The following ADAMTS3 variants were observed in gnomAD, a reference collection of about 807,000 sequenced individuals.
The protein encoded by ADAMTS3 is A disintegrin and metalloproteinase with thrombospondin motifs 3.
A neutral mutation model predicts 129.0 loss-of-function variants in ADAMTS3; 73 were observed. That is an observed-to-expected ratio of 0.57 (90% CI 0.47 to 0.69). The LOEUF is 0.69. Among genes scored for constraint, ADAMTS3 ranks in the 30% least tolerant of loss-of-function variants. The pLI, the probability that ADAMTS3 is intolerant of heterozygous loss-of-function variation, is 0.00. For missense variants in ADAMTS3, 1,457 were observed against 1,514.5 expected, an observed-to-expected ratio of 0.96 and a Z score of 0.63; for synonymous variants, 477 against 510.8, an observed-to-expected ratio of 0.93 and a Z score of 0.89.
chr4:72,436,830 G>T (rs1047734794), intron 3 of ADAMTS3, among the ~76,000 whole-genome samples: 2 of 151,814 alleles, frequency 1.3e-5, no homozygotes, highest in African/African-American at 4.8e-5. Context: ...CACAGGGTGG[G>T]GAACATCACA....
At chr4:72,549,850 T>G (rs1362632802) in intron 2 of ADAMTS3, among the ~76,000 whole-genome samples, 1 of 149,120 alleles carries the variant, frequency 6.7e-6, no homozygotes. Flanking sequence ...GCAAACACCC[T>G]TGGGAAATAG....
intron 4 of ADAMTS3, among the ~76,000 whole-genome samples, chr4:72,401,928 A>C (rs891436508): frequency 6.6e-6 from 1 of 152,218 alleles, no homozygotes; most frequent in South Asian, 2.1e-4. Context: ...AAGCCTTTGA[A>C]ATAAACTCTA....
At chr4:72,335,799 A>G (rs1322321000) in intron 5 of ADAMTS3, among the ~76,000 whole-genome samples, 2 of 152,142 alleles carry the variant, frequency 1.3e-5, no homozygotes, top group Admixed American at 6.5e-5. Context: ...CTCCCATTAT[A>G]TCATTGCATT....
At chr4:72,367,265 T>C (rs961479990) in intron 4 of ADAMTS3, among the ~76,000 whole-genome samples, 13 of 152,188 alleles carry the variant, frequency 8.5e-5, no homozygotes, top group Admixed American at 1.3e-4. Flanking sequence ...AACTAATTTC[T>C]TGTCTTCTAC....
chr4:72,534,144 G>A (rs575363466), intron 3 of ADAMTS3, among the ~76,000 whole-genome samples: 14 of 152,194 alleles, frequency 9.2e-5, no homozygotes, highest in African/African-American at 2.6e-4. Context: ...TGGCTAACAC[G>A]GTGAAAACCC....
At chr4:72,519,164 C>T (rs931570276) in intron 3 of ADAMTS3, among the ~76,000 whole-genome samples, 4 of 152,172 alleles carry the variant, frequency 2.6e-5, no homozygotes, top group African/African-American at 9.6e-5. Context: ...TGAATATTGG[C>T]CCCCACTCTC....
intron 3 of ADAMTS3, among the ~76,000 whole-genome samples, chr4:72,466,357 G>T (rs901515031): frequency 2.0e-5 from 3 of 152,018 alleles, no homozygotes; most frequent in Admixed American, 1.3e-4. Flanking sequence ...TTCTTGAATG[G>T]CAAGAAAGAC....
At chr4:72,439,528 T>C (rs1718056523) in intron 3 of ADAMTS3, among the ~76,000 whole-genome samples, 1 of 151,690 alleles carries the variant, frequency 6.6e-6, no homozygotes, top group Admixed American at 6.6e-5. Context: ...ATAGAACAAC[T>C]AACAGTGACT....
chr4:72,493,918 TA>T (rs917658154), intron 3 of ADAMTS3, among the ~76,000 whole-genome samples: 54 of 151,080 alleles, frequency 3.6e-4, no homozygotes, highest in African/African-American at 8.7e-4. Flanking sequence ...CCTGGACAGC[TA>T]AAAAAAAATA....
At chr4:72,446,753 A>C (rs1227356251) in intron 3 of ADAMTS3, among the ~76,000 whole-genome samples, 4 of 151,794 alleles carry the variant, frequency 2.6e-5, no homozygotes, top group Non-Finnish European at 5.9e-5. Flanking sequence ...GACAATTCAC[A>C]TACAAGCAGA....
At chr4:72,301,262 C>T (rs1378620253) in intron 17 of ADAMTS3, among the ~76,000 whole-genome samples, 1 of 151,818 alleles carries the variant, frequency 6.6e-6, no homozygotes, top group Admixed American at 6.6e-5. Flanking sequence ...TCTTTATCCA[C>T]AAAAGAAAAC....
At chr4:72,465,211 A>G (rs925724140) in intron 3 of ADAMTS3, among the ~76,000 whole-genome samples, 2 of 152,018 alleles carry the variant, frequency 1.3e-5, no homozygotes, top group Admixed American at 6.6e-5. Context: ...TTGGCTCAAG[A>G]AGGAATACTT....
At chr4:72,411,110 ACT>A (rs1722174282) in intron 4 of ADAMTS3, among the ~76,000 whole-genome samples, 1 of 151,998 alleles carries the variant, frequency 6.6e-6, no homozygotes, top group Admixed American at 6.6e-5. Context: ...TTTTTAAACA[ACT>A]CTTCATATGT....
At chr4:72,501,285 T>G (rs1456887664) in intron 3 of ADAMTS3, among the ~76,000 whole-genome samples, 2 of 152,284 alleles carry the variant, frequency 1.3e-5, no homozygotes, top group Admixed American at 6.5e-5. Context: ...ATCTATAATT[T>G]CTTTCAGCAG....
chr4:72,527,668 T>G (rs1368029180), intron 3 of ADAMTS3, among the ~76,000 whole-genome samples: 1 of 152,090 alleles, frequency 6.6e-6, no homozygotes, highest in African/African-American at 2.4e-5. Flanking sequence ...ACAATACTTG[T>G]CGAAAAGAAG....
At chr4:72,411,256 T>C (rs926589599) in intron 4 of ADAMTS3, among the ~76,000 whole-genome samples, 1 of 152,142 alleles carries the variant, frequency 6.6e-6, no homozygotes, top group African/African-American at 2.4e-5. Flanking sequence ...GTTTCAAAGC[T>C]GTGACTTTTG....
chr4:72,402,180 G>A (rs891682173), intron 4 of ADAMTS3, among the ~76,000 whole-genome samples: 2 of 152,028 alleles, frequency 1.3e-5, no homozygotes, highest in African/African-American at 4.8e-5. Flanking sequence ...CCCAGTCATT[G>A]TATCTTGAAT....
Position 72,413,840 on chromosome 4 carries a change from A to G in ADAMTS3, c.661+975T>C, listed in dbSNP as rs964613133. On this transcript the variant is annotated intron_variant, in intron 4 of 21. Coordinates refer to ENST00000286657, the MANE Select transcript of ADAMTS3 (RefSeq NM_014243.3). ...ATTTCATAATACTGTATTTATTAAT[A>G]TAGTCCTGTTGTTTCAAATGAGAAA... is the stretch of plus-strand genomic sequence containing the variant. Among the ~76,000 whole-genome samples, 7 of 152,058 alleles carry G rather than the reference A, an allele frequency of 4.6e-5. No individual in the cohort carries two copies. The East Asian group carries it at 1.4e-3, about 29-fold the overall frequency.
chr4:72,306,051 A>T lies in ADAMTS3; in HGVS notation c.2196T>A (p.Phe732Leu). 1 of 1,606,596 alleles carries T rather than the reference A, an allele frequency of 6.2e-7. No homozygotes were observed. Among genetic ancestry groups the T allele is most frequent in the South Asian group, 1.1e-5 (1 of 89,908 alleles). The change falls in exon 16 of 22, where the codon TTT (phenylalanine) becomes TTA (leucine). Residue 732 changes from phenylalanine (F) to leucine (L), a missense_variant. Coordinates refer to ENST00000286657, the MANE Select transcript of ADAMTS3 (RefSeq NM_014243.3). ...CATGTCTAGCCCCAGGGGGTATATC[A>T]AACATCTTAAGGTACCCTTTGCATG... ...TPRKLGYLKM[F>L]DIPPGARHVL...
Sources: allele counts gnomAD v4.1 joint callset (sites outside exome capture counted in the v4.1 genomes callset), GRCh38; gene constraint gnomAD v4.1.1; transcripts MANE v1.5; gene names NCBI Gene and HGNC (gene_info 2026-07-23, HGNC 2026-07-21).